The following NEBL variants were observed in gnomAD, a reference collection of about 807,000 sequenced individuals.
NEBL encodes nebulette, also known as LIM and SH3 protein 2.
NEBL carries 122 observed loss-of-function variants against 140.2 expected under a neutral mutation model. That is an observed-to-expected ratio of 0.87 (90% CI 0.75 to 1.01). The LOEUF is 1.01. NEBL is among the 50% of genes least tolerant of loss of function. The pLI is 0.00. For synonymous variants in NEBL, 436 were observed against 398.9 expected (o/e 1.09, Z -1.11); for missense variants, 1,365 against 1,231.3 (o/e 1.11, Z -1.62).
chr10:20,787,132 A>G, intron 27 of NEBL, 70 bp downstream of exon 27: 1 of 1,118,536 alleles, frequency 8.9e-7, no homozygotes, highest in Non-Finnish European at 1.3e-6. Flanking sequence ...ACTCTATTCC[A>G]CATGTATTTA....
chr10:21,159,545 G>A (rs992271691), intron 2 of NEBL, among the ~76,000 whole-genome samples: 5 of 152,198 alleles, frequency 3.3e-5, no homozygotes, highest in Admixed American at 6.5e-5. Context: ...AAGCAGTGAC[G>A]TTGTCCACAA....
chr10:21,146,315 T>C, intron 2 of NEBL: 1 of 1,592,518 alleles, frequency 6.3e-7, no homozygotes, highest in Non-Finnish European at 8.6e-7. Flanking sequence ...CCATGCAGTA[T>C]AAACCTGCCC....
At chr10:21,067,332 G>A (rs995153530) in intron 2 of NEBL, among the ~76,000 whole-genome samples, 7 of 152,042 alleles carry the variant, frequency 4.6e-5, no homozygotes, top group Non-Finnish European at 1.0e-4. Context: ...TAAAAATTCA[G>A]TTTTGTGATA....
intron 26 of NEBL, among the ~76,000 whole-genome samples, chr10:20,803,547 C>A (rs925431074): frequency 6.6e-6 from 1 of 151,954 alleles, no homozygotes; most frequent in Non-Finnish European, 1.5e-5. Flanking sequence ...AGAAAAATAG[C>A]GTTTCTAAAT....
intron 7 of NEBL, among the ~76,000 whole-genome samples, chr10:20,864,578 G>T (rs549907978): frequency 6.6e-6 from 1 of 152,200 alleles, no homozygotes; most frequent in Admixed American, 6.5e-5. Flanking sequence ...TTTGACCATT[G>T]CCTTGTCATT....
intron 2 of NEBL, among the ~76,000 whole-genome samples, chr10:21,126,889 C>T (rs1294340700): frequency 2.0e-5 from 3 of 149,254 alleles, no homozygotes; most frequent in African/African-American, 5.0e-5. Context: ...GCAGGGGAAT[C>T]GCTTGAACCC....
At chr10:21,119,418 G>T (rs1838421345) in intron 2 of NEBL, among the ~76,000 whole-genome samples, 1 of 149,002 alleles carries the variant, frequency 6.7e-6, no homozygotes, top group Non-Finnish European at 1.5e-5. Context: ...GCAAATATTT[G>T]TAATATACTT....
At chr10:21,220,094 G>C (rs1405701592) in intron 3 of NEBL, among the ~76,000 whole-genome samples, 5 of 151,924 alleles carry the variant, frequency 3.3e-5, no homozygotes, top group African/African-American at 7.3e-5. Flanking sequence ...TGTATTTTTA[G>C]TAGAGGCAGG....
intron 24 of NEBL, 51 bp from the exon 25 acceptor site, chr10:20,809,949 G>GT: frequency 6.9e-4 from 407 of 586,028 alleles, no homozygotes; most frequent in Non-Finnish European, 9.3e-4. Context: ...ATTTAAAAAA[G>GT]GAAAAAAAAA....
intron 3 of NEBL, among the ~76,000 whole-genome samples, chr10:21,232,272 T>C (rs1355984947): frequency 6.6e-6 from 1 of 152,124 alleles, no homozygotes; most frequent in Non-Finnish European, 1.5e-5. Flanking sequence ...GATTTGACTT[T>C]AGATAGTCCA....
chr10:21,049,405 C>G (rs1418793740), intron 2 of NEBL, among the ~76,000 whole-genome samples: 4 of 152,134 alleles, frequency 2.6e-5, no homozygotes. Context: ...TGGGTGAGAA[C>G]TTAGCAAAAT....
intron 3 of NEBL, among the ~76,000 whole-genome samples, chr10:21,007,992 T>A (rs970149312): frequency 2.0e-5 from 3 of 152,182 alleles, no homozygotes; most frequent in African/African-American, 7.2e-5. Flanking sequence ...TGTTAGAGTG[T>A]CCAGCAGTGA....
At chr10:21,263,162 T>C (rs1447367889) in intron 1 of NEBL, among the ~76,000 whole-genome samples, 1 of 152,290 alleles carries the variant, frequency 6.6e-6, no homozygotes, top group Non-Finnish European at 1.5e-5. Context: ...TAAGTACTCT[T>C]AGCGTAGGTA....
chr10:20,937,056 A>T (rs1834529211), intron 4 of NEBL, among the ~76,000 whole-genome samples: 1 of 152,154 alleles, frequency 6.6e-6, no homozygotes, highest in Non-Finnish European at 1.5e-5. Flanking sequence ...AGGATTTAAA[A>T]TTGCACCTGC....
At chr10:20,846,887 G>A (rs1842002391) in intron 11 of NEBL, among the ~76,000 whole-genome samples, 1 of 151,636 alleles carries the variant, frequency 6.6e-6, no homozygotes. Context: ...TTTGAAGAAA[G>A]CAGTATTTGT....
At chr10:20,848,116 A>T (rs1296390515) in intron 11 of NEBL, among the ~76,000 whole-genome samples, 2 of 152,208 alleles carry the variant, frequency 1.3e-5, no homozygotes, top group Non-Finnish European at 2.9e-5. Context: ...TGGCCACATT[A>T]TCTCTACAAA....
At chr10:21,175,532 A>T (rs1841279345), upstream of NEBL, among the ~76,000 whole-genome samples, 1 of 152,254 alleles carries the variant, frequency 6.6e-6, no homozygotes. Flanking sequence ...GCTTTTCATG[A>T]CAAAAGAAAA....
intron 2 of NEBL, among the ~76,000 whole-genome samples, chr10:21,071,322 A>G (rs918907678): frequency 1.3e-5 from 2 of 151,854 alleles, no homozygotes; most frequent in Admixed American, 6.6e-5. Flanking sequence ...AGTCATTACC[A>G]CCCACAAAAC....
intron 2 of NEBL, among the ~76,000 whole-genome samples, chr10:21,137,268 C>T (rs2132085233): frequency 6.6e-6 from 1 of 152,302 alleles, no homozygotes; most frequent in African/African-American, 2.4e-5. Context: ...TATCTGGCAT[C>T]TGGTACTTAA....
Sources: gnomAD v4.1 joint callset for allele counts (sites outside exome capture counted in the v4.1 genomes callset) on GRCh38, gnomAD v4.1.1 for gene constraint, MANE v1.5 for transcripts, NCBI Gene and HGNC (gene_info 2026-07-23, HGNC 2026-07-21) for gene names.